TMEM272: variants seen among roughly 807,000 people sequenced by gnomAD.
The protein encoded by TMEM272 is transmembrane protein 272.
A neutral mutation model predicts 3.7 loss-of-function variants in TMEM272; 8 were observed. The ratio of observed to expected loss-of-function variants is 2.17; its 90% confidence interval spans 1.27 to 3.91. The LOEUF (loss-of-function observed/expected upper bound fraction) is 3.91. TMEM272 is among the 30% of genes most tolerant of loss of function. The pLI is 0.00. For missense variants in TMEM272, 166 were observed against 91.5 expected (o/e 1.81, Z -3.32); for synonymous variants, 63 against 39.8 (o/e 1.58, Z -2.20).
At chr13:51,836,371 C>T (rs79297855) in intron 2 of TMEM272, among the ~76,000 whole-genome samples, 1,958 of 152,324 alleles carry the variant, frequency 0.013, 30 homozygotes, top group Non-Finnish European at 0.02. Context: ...TATAGCAGCA[C>T]AAAGTGGATT....
At chr13:51,904,313 G>A in the TMEM272 span, among the ~76,000 whole-genome samples, 1 of 152,144 alleles carries the variant, frequency 6.6e-6, no homozygotes, top group African/African-American at 2.4e-5. Context: ...CTGAATTCAG[G>A]TAGCACTGGG....
the TMEM272 span, among the ~76,000 whole-genome samples, chr13:51,924,169 C>G: frequency 1.3e-5 from 2 of 152,202 alleles, no homozygotes; most frequent in Non-Finnish European, 2.9e-5. Context: ...CTGGGACTGG[C>G]CACCTGGTGG....
chr13:51,879,745 G>C, the TMEM272 span, among the ~76,000 whole-genome samples: 2 of 152,162 alleles, frequency 1.3e-5, no homozygotes, highest in Non-Finnish European at 2.9e-5. Flanking sequence ...ACTTGCAAAC[G>C]GGCATCGTCC....
chr13:51,824,081 A>T (rs564760096), intron 3 of TMEM272, among the ~76,000 whole-genome samples: 35 of 152,368 alleles, frequency 2.3e-4, no homozygotes, highest in Non-Finnish European at 4.0e-4. Context: ...ATGAACATTG[A>T]GTAATGGCTT....
the TMEM272 span, among the ~76,000 whole-genome samples, chr13:51,876,263 G>C: frequency 6.6e-6 from 1 of 152,196 alleles, no homozygotes; most frequent in Non-Finnish European, 1.5e-5. Context: ...TCTTTTAATA[G>C]CTCCTGTTGG....
At chr13:51,920,726 C>T in the TMEM272 span, among the ~76,000 whole-genome samples, 1 of 152,204 alleles carries the variant, frequency 6.6e-6, no homozygotes, top group Non-Finnish European at 1.5e-5. Flanking sequence ...ATGGCACTTT[C>T]CACTGGCAGA....
intron 2 of TMEM272, among the ~76,000 whole-genome samples, chr13:51,830,096 T>C (rs1956160605): frequency 6.6e-6 from 1 of 152,262 alleles, no homozygotes; most frequent in Non-Finnish European, 1.5e-5. Flanking sequence ...CTCTCTTTGT[T>C]CAGCCACGTA....
chr13:51,840,788 A>C (rs1269284278), intron 1 of TMEM272, among the ~76,000 whole-genome samples: 1 of 152,244 alleles, frequency 6.6e-6, no homozygotes, highest in Non-Finnish European at 1.5e-5. Context: ...TTCCCCCACA[A>C]TGTTCTTGCA....
the TMEM272 span, among the ~76,000 whole-genome samples, chr13:51,871,716 A>G: frequency 6.6e-6 from 1 of 151,894 alleles, no homozygotes; most frequent in Non-Finnish European, 1.5e-5. Flanking sequence ...GAAATAATAA[A>G]TGTTTATTTT....
At chr13:51,852,880 C>CA in the TMEM272 span, among the ~76,000 whole-genome samples, 2,786 of 110,712 alleles carry the variant, frequency 0.025, 78 homozygotes, top group African/African-American at 0.072. Context: ...AAAACTCCGT[C>CA]AAAAAAAAAA....
At chr13:51,924,493 T>C in the TMEM272 span, among the ~76,000 whole-genome samples, 336 of 152,128 alleles carry the variant, frequency 2.2e-3, 4 homozygotes, top group Non-Finnish European at 3.9e-3. Flanking sequence ...TGGGGTTGAG[T>C]CTAGGGATGG....
At chr13:51,865,654 T>C in the TMEM272 span, 2 of 1,614,130 alleles carry the variant, frequency 1.2e-6, no homozygotes, top group African/African-American at 1.3e-5. Flanking sequence ...AGGAGAGACC[T>C]TTCTGGGAAG....
the TMEM272 span, among the ~76,000 whole-genome samples, chr13:51,878,162 G>A: frequency 2.0e-5 from 3 of 152,286 alleles, no homozygotes; most frequent in African/African-American, 7.2e-5. Context: ...TGGGCACGGT[G>A]GCTCACACCT....
chr13:51,908,508 G>A, the TMEM272 span: 6,233 of 1,422,372 alleles, frequency 4.4e-3, 30 homozygotes, highest in African/African-American at 0.019. Flanking sequence ...CGGGCCCCTC[G>A]TATCCACTGG....
chr13:51,825,720 C>T lies in TMEM272; in HGVS notation c.118+846G>A, dbSNP rs530708314. 4.6e-5 allele frequency among the ~76,000 whole-genome samples: 7 copies of T among 151,736 alleles called. No homozygotes were observed. In the South Asian group the frequency reaches 1.2e-3, roughly 27 times the overall value. ...GCACGATCATCCCACCTCAGTCCCC[C>T]GAGTAGCTGGGACTACAGGCACACG... On this transcript the variant is annotated intron_variant, in intron 3 of 4. Transcript: ENST00000629372.
the TMEM272 span, among the ~76,000 whole-genome samples, chr13:51,890,804 C>T: frequency 1.3e-5 from 2 of 152,210 alleles, no homozygotes; most frequent in Non-Finnish European, 2.9e-5. Context: ...CTTCTTTCTG[C>T]TTCTTTAGCC....
chr13:51,868,464 G>T, the TMEM272 span, among the ~76,000 whole-genome samples: 18 of 152,322 alleles, frequency 1.2e-4, no homozygotes, highest in Non-Finnish European at 2.5e-4. Context: ...ACTAATATCT[G>T]GGAATCACCT....
the TMEM272 span, among the ~76,000 whole-genome samples, chr13:51,874,614 G>A: frequency 6.6e-6 from 1 of 152,136 alleles, no homozygotes; most frequent in Admixed American, 6.5e-5. Flanking sequence ...ACACCCAAAT[G>A]CAGGCAAAGG....
intron 2 of TMEM272, among the ~76,000 whole-genome samples, chr13:51,834,203 C>T (rs775421716): frequency 5.3e-5 from 8 of 152,164 alleles, no homozygotes; most frequent in Non-Finnish European, 8.8e-5. Context: ...GGAAGAGGGG[C>T]GCACTTTTCT....
Sources: allele counts gnomAD v4.1 joint callset (sites outside exome capture counted in the v4.1 genomes callset), GRCh38; gene constraint gnomAD v4.1.1; transcripts MANE v1.5; gene names NCBI Gene and HGNC (gene_info 2026-07-23, HGNC 2026-07-21).